The following TRAP1 variants were observed in gnomAD, a reference collection of about 807,000 sequenced individuals.
The protein encoded by TRAP1 is TNF receptor associated protein 1.
TRAP1 carries 102 observed loss-of-function variants against 89.1 expected under a neutral mutation model. The observed-to-expected ratio is 1.15, with a 90% CI of 0.98 to 1.35. The LOEUF is 1.35. Among genes scored for constraint, TRAP1 ranks in the 40% most tolerant of loss-of-function variants. The pLI, the probability that TRAP1 is intolerant of heterozygous loss-of-function variation, is 0.00. For synonymous variants in TRAP1, 508 were observed against 388.0 expected, an observed-to-expected ratio of 1.31 and a Z score of -3.64; for missense variants, 1,256 against 945.3, an observed-to-expected ratio of 1.33 and a Z score of -4.31.
chr16:3,683,472 G>A (rs1272229172), intron 4 of TRAP1, among the ~76,000 whole-genome samples: 2 of 148,304 alleles, frequency 1.3e-5, no homozygotes, highest in Admixed American at 6.8e-5. Context: ...CACAACCTCC[G>A]CCTCCCGGGT....
At chr16:3,695,931 C>T (rs1042562101) in intron 1 of TRAP1, among the ~76,000 whole-genome samples, 1 of 152,188 alleles carries the variant, frequency 6.6e-6, no homozygotes, top group South Asian at 2.1e-4. Flanking sequence ...ACTGGAGGTA[C>T]AGGCATCAGT....
At position 3,674,381 on chromosome 16, in the gene TRAP1, G is replaced by A. The variant is rs142790833; in HGVS notation, c.1002C>T (p.Asp334=). The A allele has an allele frequency of 1.7e-5, 28 of 1,613,984 alleles. No homozygotes were observed. Among genetic ancestry groups the A allele is most frequent in the Admixed American group, 1.2e-4 (7 of 60,004 alleles). Residue 334 remains aspartate, a synonymous_variant, in exon 9 of 18, where the codon GAC becomes GAT. Coordinates refer to ENST00000246957, the MANE Select transcript of TRAP1 (RefSeq NM_016292.3). ...KPRYTLHYKT[D]APLNIRSIFY... ...AGATGCTGCGGATGTTGAGCGGTGC[G>A]TCCGTCTTATAGTGCAGGGTGTAGC...
At position 3,676,060 on chromosome 16, in the gene TRAP1, ACTC is replaced by A. The variant is rs2050988525; in HGVS notation, c.787_789del (p.Glu263del). On this transcript the variant is annotated inframe_deletion, in exon 7 of 18. Transcript: ENST00000246957. ...CCTCGCACCCGGGCCTCGCTGGAAA[ACTC>A]CTTGCAGTCGGATTTCAGGTGGATG... is the stretch of plus-strand genomic sequence containing the variant. The A allele has an allele frequency of 6.2e-7, 1 of 1,610,482 alleles. No individual in the cohort carries two copies. The highest frequency in any genetic ancestry group is 8.5e-7 in the Non-Finnish European group (1 of 1,178,586).
Position 3,662,295 on chromosome 16 carries a change from TG to T in TRAP1, c.1795-164del, listed in dbSNP as rs374363529. 383 of 852,380 alleles carry T rather than the reference TG, an allele frequency of 4.5e-4. 2 individuals are homozygous for T. The African/African-American group carries it at 5.8e-3, about 13-fold the overall frequency. 52.8% of individuals were successfully genotyped at this position (852,380 alleles called of 1,614,324 possible). ...TCCCTCCCCATTACCCACTAACTTGTGGGCCCTGAGCTGATGCCCCACGCAA... is the reference window on the plus strand; with the variant it reads ...TCCCTCCCCATTACCCACTAACTTGTGGCCCTGAGCTGATGCCCCACGCAA... On this transcript the variant is annotated intron_variant, in intron 15 of 17. Coordinates refer to ENST00000246957, the MANE Select transcript of TRAP1 (RefSeq NM_016292.3).
At chr16:3,684,446 T>C (rs540766719) in intron 4 of TRAP1, among the ~76,000 whole-genome samples, 1 of 152,284 alleles carries the variant, frequency 6.6e-6, no homozygotes, top group South Asian at 2.1e-4. Flanking sequence ...ACAAGAAAGC[T>C]TCCTTTTCTA....
rs1428163227 is a variant in TRAP1, at chr16:3,676,164, G to A, written c.705-19C>T. On this transcript the variant is annotated intron_variant, in intron 6 of 17. Transcript: ENST00000246957. Reference sequence around the variant, plus strand: ...TCCAGAACTAAGGCAGGCAAAGAAAGGAAAAGCCAGGTGGATGTGACACTG... The same window carrying A: ...TCCAGAACTAAGGCAGGCAAAGAAAAGAAAAGCCAGGTGGATGTGACACTG... The A allele has an allele frequency of 3.7e-6, 6 of 1,608,974 alleles. No homozygotes were observed. Among genetic ancestry groups the A allele is most frequent in the Non-Finnish European group, 5.1e-6 (6 of 1,176,612 alleles).
intron 1 of TRAP1, among the ~76,000 whole-genome samples, chr16:3,703,546 G>A (rs1314935154): frequency 3.3e-5 from 5 of 151,880 alleles, no homozygotes; most frequent in African/African-American, 7.3e-5. Context: ...CATATGCCAC[G>A]CAGATCTCTG....
intron 1 of TRAP1, among the ~76,000 whole-genome samples, chr16:3,696,053 C>A (rs772612058): frequency 6.6e-6 from 1 of 152,186 alleles, no homozygotes; most frequent in Non-Finnish European, 1.5e-5. Flanking sequence ...AGGGCCCAGG[C>A]GCGATGACCC....
chr16:3,709,587 G>A (rs1213257712), intron 1 of TRAP1, among the ~76,000 whole-genome samples: 1 of 152,120 alleles, frequency 6.6e-6, no homozygotes, highest in Non-Finnish European at 1.5e-5. Flanking sequence ...CAGAATATAA[G>A]TGGAAAATGC....
rs1157576159 is a variant in TRAP1, at chr16:3,693,325, A to T, written c.89-2340T>A. 4.6e-5 allele frequency among the ~76,000 whole-genome samples: 7 copies of T among 151,952 alleles called. No individual in the cohort carries two copies. In the East Asian group the frequency reaches 1.4e-3, roughly 29 times the overall value. On this transcript the variant is annotated intron_variant, in intron 1 of 17. Coordinates refer to ENST00000246957, the MANE Select transcript of TRAP1 (RefSeq NM_016292.3). The stretch of plus-strand genomic sequence containing the variant: ...AATTCAGAAAGTATTCAAATTCCAA[A>T]CCATGTAAACATCCAGTTATTTGGG...
rs747732799 is a variant in TRAP1, at chr16:3,690,914, G to A, written c.160C>T (p.Gln54Ter). 5.0e-6 allele frequency: 8 copies of A among 1,593,590 alleles called. No homozygotes were observed. The highest frequency in any genetic ancestry group is 6.0e-6 in the Non-Finnish European group (7 of 1,170,318). ...TGCGTGCTGAACAGTCGTCCTGCCT[G>A]CAAGCTCCAGGCTGGGTTTCGCCTG... The part of the protein sequence containing the change: ...GPRRNPAWSL[Q>*]AGRLFSTQTA... The change falls in exon 2 of 18, where the codon CAG (glutamine) becomes TAG (stop). Residue 54 changes from glutamine to a stop codon, truncating the protein, a stop_gained. Transcript: ENST00000246957. LOFTEE classifies it high-confidence loss of function.
chr16:3,714,558 C>G (rs1039335653), intron 1 of TRAP1, among the ~76,000 whole-genome samples: 1 of 152,086 alleles, frequency 6.6e-6, no homozygotes. Context: ...ACGTGGGAGG[C>G]GAAGTCAGGA....
In TRAP1 at chr16:3,671,601, G is replaced by A. The variant is rs188699401; in HGVS notation, c.1235+121C>T. ...TCCTGAGGGCCCCCATGTGCAGGCC[G>A]GGCTTCCCCGACCACCTCTGCTCTC... On this transcript the variant is annotated intron_variant, in intron 11 of 17. Transcript: ENST00000246957. The A allele has an allele frequency of 3.7e-4, 398 of 1,069,584 alleles. 3 individuals are homozygous for A. In the East Asian group the frequency reaches 6.2e-3, roughly 17 times the overall value. 66.3% of individuals were successfully genotyped at this position (1,069,584 alleles called of 1,614,324 possible).
Position 3,662,869 on chromosome 16 carries a change from G to T in TRAP1, c.1794+13C>A. 1.2e-6 allele frequency: 2 copies of T among 1,613,138 alleles called. No individual in the cohort carries two copies. The highest frequency in any genetic ancestry group is 1.7e-6 in the Non-Finnish European group (2 of 1,179,676). On this transcript the variant is annotated intron_variant, in intron 15 of 17. Coordinates refer to ENST00000246957, the MANE Select transcript of TRAP1 (RefSeq NM_016292.3). ...TGCGGCCAAGTGGTGGTCCATCCCC[G>T]GGAAAGCCTCACCTTCACGTTGGTG... is the stretch of plus-strand genomic sequence containing the variant.
At chr16:3,676,526 G>A (rs139008606) in intron 6 of TRAP1, 524 of 165,206 alleles carry the variant, frequency 3.2e-3, no homozygotes, top group Non-Finnish European at 5.3e-3. Context: ...GGGGACAGGC[G>A]CCCCCTAAGA....
chr16:3,714,333 C>G (rs1394901948), intron 1 of TRAP1, among the ~76,000 whole-genome samples: 1 of 152,208 alleles, frequency 6.6e-6, no homozygotes, highest in Non-Finnish European at 1.5e-5. Flanking sequence ...ATAAAGTCCA[C>G]AAGCGGATAT....
intron 12 of TRAP1, 191 bp from the exon 13 acceptor site, chr16:3,664,650 A>AGCTCTGGGG: frequency 1.7e-6 from 1 of 605,912 alleles, no homozygotes; most frequent in Non-Finnish European, 2.8e-6. Context: ...CCCTTTTGGG[A>AGCTCTGGGG]GCTCTGGGGG....
At chr16:3,675,427 C>T (rs763898137) in intron 7 of TRAP1, 30 bp from the exon 8 acceptor site, 9 of 1,607,504 alleles carry the variant, frequency 5.6e-6, no homozygotes, top group Admixed American at 1.7e-5. Flanking sequence ...AACCACACTG[C>T]ATCTACAATG....
rs544136679 is a variant in TRAP1, at chr16:3,668,569, A to G, written c.1236-2451T>C. 3.3e-5 allele frequency among the ~76,000 whole-genome samples: 5 copies of G among 152,240 alleles called. No homozygotes were observed. The East Asian group carries it at 9.7e-4, about 29-fold the overall frequency. ...ACATGTTCTTGGTACCATGCTTCCA[A>G]CTTTTAAGCCTGTGATTCTTTCAAA... is the stretch of plus-strand genomic sequence containing the variant. On this transcript the variant is annotated intron_variant, in intron 11 of 17. Coordinates refer to ENST00000246957, the MANE Select transcript of TRAP1 (RefSeq NM_016292.3).
Sources: gnomAD v4.1 joint callset for allele counts (sites outside exome capture counted in the v4.1 genomes callset) on GRCh38, gnomAD v4.1.1 for gene constraint, MANE v1.5 for transcripts, NCBI Gene and HGNC (gene_info 2026-07-23, HGNC 2026-07-21) for gene names.